The following CIT variants were observed in gnomAD, a reference collection of about 807,000 sequenced individuals.
CIT encodes citron Rho-interacting kinase.
CIT carries 79 observed loss-of-function variants against 272.7 expected under a neutral mutation model. That is an observed-to-expected ratio of 0.29 (90% CI 0.24 to 0.35). The LOEUF (loss-of-function observed/expected upper bound fraction) is 0.35. Among genes scored for constraint, CIT ranks in the 10% least tolerant of loss-of-function variants. The pLI, the probability that CIT is intolerant of heterozygous loss-of-function variation, is 1.00. For synonymous variants in CIT, 948 were observed against 995.6 expected, an observed-to-expected ratio of 0.95 and a Z score of 0.90; for missense variants, 1,909 against 2,618.3, an observed-to-expected ratio of 0.73 and a Z score of 5.91.
intron 9 of CIT, among the ~76,000 whole-genome samples, chr12:119,819,599 C>T (rs1002358626): frequency 6.6e-6 from 1 of 152,122 alleles, no homozygotes; most frequent in African/African-American, 2.4e-5. Flanking sequence ...GGGGTGAAAC[C>T]GCACAAAGGC....
Position 119,701,966 on chromosome 12 carries a change from A to T in CIT, c.5305-8T>A. 6.3e-7 allele frequency: 1 copy of T among 1,597,870 alleles called. No homozygotes were observed. The highest frequency in any genetic ancestry group is 8.6e-7 in the Non-Finnish European group (1 of 1,165,372). On this transcript the variant is annotated splice_polypyrimidine_tract_variant and splice_region_variant and intron_variant, in intron 41 of 47. Transcript: ENST00000392521. ...CTCTGAGGTCTCTATCTCCTGAGAC[A>T]TGAGAGCAGAAGAGAAGGATGTGAG... is the stretch of plus-strand genomic sequence containing the variant.
chr12:119,770,685 T>C lies in CIT; in HGVS notation c.2208+100A>G. ...CTCACTCAATTCATCTACTTGGAGA[T>C]ACCTCCCTTATTGTGGCGGTTAATT... On this transcript the variant is annotated intron_variant, in intron 18 of 47. Transcript: ENST00000392521. This position sits in a 1 kb window ranked among gnomAD's most constrained non-coding sequence, Gnocchi z 4.4. 1 of 1,380,096 alleles carries C rather than the reference T, an allele frequency of 7.2e-7. No homozygotes were observed. Among genetic ancestry groups the C allele is most frequent in the South Asian group, 1.3e-5 (1 of 77,710 alleles). 85.5% of individuals were successfully genotyped at this position (1,380,096 alleles called of 1,614,324 possible). A position where few individuals can be genotyped will look rare whatever the true frequency, so the allele number is the denominator to read the frequency against.
intron 8 of CIT, 83 bp downstream of exon 8, chr12:119,825,082 G>C: frequency 8.0e-7 from 1 of 1,251,030 alleles, no homozygotes; most frequent in South Asian, 1.4e-5. Flanking sequence ...TTACAGGCAT[G>C]AGCCACCACG....
At chr12:119,872,412 C>T (rs951998393) in intron 2 of CIT, among the ~76,000 whole-genome samples, 1 of 152,084 alleles carries the variant, frequency 6.6e-6, no homozygotes, top group Non-Finnish European at 1.5e-5. Flanking sequence ...GAATGGAAAA[C>T]AAAATTGCTA....
In CIT at chr12:119,690,395, G is replaced by C. The variant is rs1027945553; in HGVS notation, c.5942C>G (p.Ser1981Cys). The change falls in exon 47 of 48, where the codon TCC (serine) becomes TGC (cysteine). Residue 1981 changes from serine (S) to cysteine (C), a missense_variant. By Grantham distance (112) the Ser-to-Cys change is moderately radical (BLOSUM62 -1). Around this residue, in one of 8 missense-constraint regions of CIT, gnomAD observed 780 missense variants for 1,067.2 expected, o/e 0.73. Coordinates refer to ENST00000392521, the MANE Select transcript of CIT (RefSeq NM_001206999.2). This position sits in a 1 kb window ranked among gnomAD's most constrained non-coding sequence, Gnocchi z 6.0. ...YNEHITKRVA[S>C]SPAPPEGPSH... Reference sequence around the variant, plus strand: ...GGGGCCTTCGGGCGGCGCTGGGCTGGAGGCCACGCGCTTGGTGATGTGCTC... The same window carrying C: ...GGGGCCTTCGGGCGGCGCTGGGCTGCAGGCCACGCGCTTGGTGATGTGCTC... 3 of 1,596,578 alleles carry C rather than the reference G, an allele frequency of 1.9e-6. No individual in the cohort carries two copies. The highest frequency in any genetic ancestry group is 2.5e-6 in the Non-Finnish European group (3 of 1,177,516).
At chr12:119,844,173 C>T (rs1024432002) in intron 5 of CIT, among the ~76,000 whole-genome samples, 1 of 151,946 alleles carries the variant, frequency 6.6e-6, no homozygotes, top group Non-Finnish European at 1.5e-5. Context: ...AGGCGCCCAC[C>T]ATCATGCCTG....
intron 23 of CIT, among the ~76,000 whole-genome samples, chr12:119,745,394 A>AAAAAC (rs1959224836): frequency 1.4e-5 from 2 of 146,044 alleles, no homozygotes; most frequent in African/African-American, 5.0e-5. Flanking sequence ...AAAAAAAAAA[A>AAAAAC]AAAACACCTG....
In CIT at chr12:119,708,304, G is replaced by C. The variant is rs1239078759; in HGVS notation, c.5086C>G (p.Leu1696Val). The C allele has an allele frequency of 6.3e-7, 1 of 1,595,276 alleles. No individual in the cohort carries two copies. The highest frequency in any genetic ancestry group is 1.7e-5 in the Admixed American group (1 of 57,214). ...LLMIAGEERA[L>V]CLVDVKKVKQ... ...ACTTTCTTCACGTCCACAAGACACAGTGCCCGCTCTTCTCCTGAACAGGAA... is the reference window on the plus strand; with the variant it reads ...ACTTTCTTCACGTCCACAAGACACACTGCCCGCTCTTCTCCTGAACAGGAA... Residue 1696 changes from leucine to valine, a missense_variant, in exon 40 of 48, where the codon CTG (leucine) becomes GTG (valine). Physicochemically the swap from Leu to Val is conservative, Grantham distance 32. Coordinates refer to ENST00000392521, the MANE Select transcript of CIT (RefSeq NM_001206999.2).
At chr12:119,755,227 G>C (rs1301431574) in intron 22 of CIT, among the ~76,000 whole-genome samples, 1 of 152,042 alleles carries the variant, frequency 6.6e-6, no homozygotes, top group Non-Finnish European at 1.5e-5. Flanking sequence ...ACCAGCCTGG[G>C]CAACATAGCA....
Position 119,761,136 on chromosome 12 carries a change from C to G in CIT, c.2305-81G>C, listed in dbSNP as rs529461360. ...ACTAAACGGGGACACTTGAGAAAAT[C>G]TAGGAAAGAGGAGAAAAGCAGGGGA... On this transcript the variant is annotated intron_variant, in intron 19 of 47. Transcript: ENST00000392521. 9.3e-5 allele frequency: 101 copies of G among 1,084,750 alleles called. No homozygotes were observed. In the African/African-American group the frequency reaches 1.3e-3, roughly 14 times the overall value. The allele number at this position is 1,084,750 out of a possible 1,614,324, so 67.2% of individuals were successfully genotyped here. A position where few individuals can be genotyped will look rare whatever the true frequency, so the allele number is the denominator to read the frequency against.
chr12:119,862,014 T>C (rs1950353550), intron 3 of CIT, among the ~76,000 whole-genome samples: 1 of 152,142 alleles, frequency 6.6e-6, no homozygotes, highest in Admixed American at 6.6e-5. Context: ...TGTTTGTTTG[T>C]TTCTAGGATG....
chr12:119,876,523 T>C (rs542731589), intron 1 of CIT, among the ~76,000 whole-genome samples: 12 of 152,296 alleles, frequency 7.9e-5, no homozygotes, highest in Non-Finnish European at 1.8e-4. Context: ...AATGAATGAC[T>C]GAAATAAGCA....
rs149462284 is a variant in CIT, at chr12:119,820,296, A to C, written c.1111+2524T>G. Reference sequence around the variant, plus strand: ...CTGGGTGCGGTGGCTCATGTCTGTAATCCCAGCACTTTGGGAGGCTAAGGT... The same window carrying C: ...CTGGGTGCGGTGGCTCATGTCTGTACTCCCAGCACTTTGGGAGGCTAAGGT... On this transcript the variant is annotated intron_variant, in intron 9 of 47. Transcript: ENST00000392521. Among the ~76,000 whole-genome samples, 138 of 152,328 alleles carry C rather than the reference A, an allele frequency of 9.1e-4. 1 individual carries two copies. The highest frequency in any genetic ancestry group is 1.5e-3 in the South Asian group (7 of 4,824).
intron 9 of CIT, among the ~76,000 whole-genome samples, chr12:119,821,980 CAATTAT>C (rs1237599173): frequency 2.6e-5 from 4 of 152,176 alleles, no homozygotes; most frequent in African/African-American, 9.7e-5. Flanking sequence ...AAGGTGCAAG[CAATTAT>C]AATTATAACA....
intron 23 of CIT, among the ~76,000 whole-genome samples, chr12:119,747,718 C>T (rs1443490319): frequency 6.6e-6 from 1 of 151,790 alleles, no homozygotes; most frequent in Non-Finnish European, 1.5e-5. Context: ...GACTCCGTCT[C>T]AAAAAAACAA....
chr12:119,775,044 A>G (rs1963600136), intron 16 of CIT, among the ~76,000 whole-genome samples: 1 of 152,188 alleles, frequency 6.6e-6, no homozygotes, highest in Admixed American at 6.5e-5. Context: ...AGGCCTAGGC[A>G]TGCAGATCAC....
At chr12:119,849,003 T>G (rs1210836134) in intron 5 of CIT, among the ~76,000 whole-genome samples, 1 of 148,510 alleles carries the variant, frequency 6.7e-6, no homozygotes, top group Non-Finnish European at 1.5e-5. Flanking sequence ...AAGTGAGACC[T>G]GGTCTCAAAA....
chr12:119,834,091 C>A lies in CIT; in HGVS notation c.654G>T (p.Val218=), dbSNP rs1245885873. 2 of 1,610,578 alleles carry A rather than the reference C, an allele frequency of 1.2e-6. No homozygotes were observed. The highest frequency in any genetic ancestry group is 3.4e-5 in the Admixed American group (2 of 58,932). ...GCTACCAGAGTCTCACTTACCGATG[C>A]ACGTATCCCATCAGATGAACGCTGT... ...AVHSVHLMGY[V]HRDIKPENIL... Residue 218 remains valine (V), a synonymous_variant, in exon 6 of 48, where the codon GTG becomes GTT. Coordinates refer to ENST00000392521, the MANE Select transcript of CIT (RefSeq NM_001206999.2).
Position 119,770,529 on chromosome 12 carries a change from TA to T in CIT, c.2208+255del, listed in dbSNP as rs11295550. Among the ~76,000 whole-genome samples the T allele has an allele frequency of 0.81, 115,372 of 142,622 alleles. 46,449 individuals carry two copies. Among genetic ancestry groups the T allele is most frequent in the African/African-American group, 0.9 (34,773 of 38,720 alleles). The allele number at this position is 142,622 out of a possible 152,430, so 93.6% of individuals were successfully genotyped here. A position where few individuals can be genotyped will look rare whatever the true frequency, so the allele number is the denominator to read the frequency against. ...TGAAAATGATAGATGCACGTTCCACTAAAAAAAAAAAAAAAGCCAGGCTGTA... is the reference window on the plus strand; with the variant it reads ...TGAAAATGATAGATGCACGTTCCACTAAAAAAAAAAAAAAGCCAGGCTGTA... On this transcript the variant is annotated intron_variant, in intron 18 of 47. Transcript: ENST00000392521. The surrounding 1 kb of genome is among the most constrained non-coding windows in gnomAD (Gnocchi z 4.4).
Sources: gnomAD v4.1 joint callset for allele counts (sites outside exome capture counted in the v4.1 genomes callset) on GRCh38, gnomAD v4.1.1 for gene constraint, gnomAD v4.1.1 regional missense constraint, Gnocchi (gnomAD v3.1) non-coding constraint, MANE v1.5 for transcripts, NCBI Gene and HGNC (gene_info 2026-07-23, HGNC 2026-07-21) for gene names.